PKIB: variants seen among roughly 807,000 people sequenced by gnomAD.
PKIB encodes cAMP-dependent protein kinase inhibitor beta.
Under a neutral mutation model 4.5 loss-of-function variants are expected in PKIB, and 2 were observed. That is an observed-to-expected ratio of 0.44 (90% CI 0.18 to 1.39). The LOEUF is 1.39. Among genes scored for constraint, PKIB ranks in the 40% most tolerant of loss-of-function variants. The pLI, the probability that PKIB is intolerant of heterozygous loss-of-function variation, is 0.27. For synonymous variants in PKIB, 38 were observed against 36.0 expected (o/e 1.06, Z -0.20); for missense variants, 94 against 92.6 (o/e 1.02, Z -0.06).
intron 2 of PKIB, among the ~76,000 whole-genome samples, chr6:122,508,404 T>C (rs1480469758): frequency 6.6e-6 from 1 of 152,214 alleles, no homozygotes; most frequent in Non-Finnish European, 1.5e-5. Flanking sequence ...AGGACAATGT[T>C]GTACAATGTC....
At chr6:122,700,513 C>G (rs1460908274) in intron 3 of PKIB, among the ~76,000 whole-genome samples, 2 of 152,238 alleles carry the variant, frequency 1.3e-5, no homozygotes, top group East Asian at 1.9e-4. Flanking sequence ...AGGTATTTCT[C>G]TATAACCTCA....
intron 2 of PKIB, among the ~76,000 whole-genome samples, chr6:122,490,562 G>A (rs1775911063): frequency 6.6e-6 from 1 of 152,080 alleles, no homozygotes; most frequent in African/African-American, 2.4e-5. Context: ...AGTTCACACA[G>A]AGATCTGGTT....
At chr6:122,673,030 GAAATATTTTC>G (rs1195430808) in intron 2 of PKIB, among the ~76,000 whole-genome samples, 2 of 151,926 alleles carry the variant, frequency 1.3e-5, no homozygotes, top group African/African-American at 4.8e-5. Context: ...AAACATGGAT[GAAATATTTTC>G]AAAGTCCACC....
intron 1 of PKIB, among the ~76,000 whole-genome samples, chr6:122,475,414 G>A (rs1775427417): frequency 6.6e-6 from 1 of 152,132 alleles, no homozygotes; most frequent in African/African-American, 2.4e-5. Flanking sequence ...CAACACTCCA[G>A]AGACTGAGGC....
chr6:122,599,666 A>G (rs1774293627), intron 3 of PKIB, among the ~76,000 whole-genome samples: 4 of 152,184 alleles, frequency 2.6e-5, no homozygotes, highest in Admixed American at 2.0e-4. Context: ...GGTTCTCCAC[A>G]TATGGTCAAA....
chr6:122,718,005 T>G (rs1779572713), intron 4 of PKIB, 42 bp downstream of exon 4: 1 of 1,574,434 alleles, frequency 6.4e-7, no homozygotes, highest in African/African-American at 1.4e-5. Flanking sequence ...CACTTGTCCC[T>G]TCTTAACCAA....
At chr6:122,671,580 C>T (rs1043472683) in intron 2 of PKIB, among the ~76,000 whole-genome samples, 1 of 152,142 alleles carries the variant, frequency 6.6e-6, no homozygotes, top group African/African-American at 2.4e-5. Flanking sequence ...TGTAACTAAC[C>T]TGACATGATT....
At chr6:122,575,201 A>G (rs1174655365) in intron 2 of PKIB, among the ~76,000 whole-genome samples, 1 of 152,194 alleles carries the variant, frequency 6.6e-6, no homozygotes, top group Non-Finnish European at 1.5e-5. Context: ...ACAGTAAGAT[A>G]TTACCTTACT....
At chr6:122,491,180 T>C (rs947252346) in intron 2 of PKIB, among the ~76,000 whole-genome samples, 18 of 152,206 alleles carry the variant, frequency 1.2e-4, no homozygotes, top group Non-Finnish European at 1.3e-4. Context: ...TATCTTGACA[T>C]ACTTCCATGG....
chr6:122,553,407 C>T (rs1455768045), intron 2 of PKIB, among the ~76,000 whole-genome samples: 2 of 149,454 alleles, frequency 1.3e-5, no homozygotes, highest in East Asian at 4.0e-4. Context: ...TAAATGCATG[C>T]AGTTTCCTCA....
At chr6:122,602,795 A>G (rs1004876607) in intron 3 of PKIB, among the ~76,000 whole-genome samples, 11 of 151,930 alleles carry the variant, frequency 7.2e-5, no homozygotes, top group Admixed American at 7.2e-4. Flanking sequence ...ACAAACAAAA[A>G]AAACAAAAAA....
At chr6:122,535,167 C>G (rs145727117) in intron 2 of PKIB, among the ~76,000 whole-genome samples, 1 of 152,100 alleles carries the variant, frequency 6.6e-6, no homozygotes, top group East Asian at 1.9e-4. Flanking sequence ...CAAGTTTGGT[C>G]TTTGTAAAAT....
intron 3 of PKIB, among the ~76,000 whole-genome samples, chr6:122,601,611 TC>T: frequency 6.6e-6 from 1 of 152,194 alleles, no homozygotes; most frequent in South Asian, 2.1e-4. Context: ...CTCTTCCTCT[TC>T]CTCCTACTCA....
At chr6:122,695,731 T>C (rs1778544309) in intron 3 of PKIB, among the ~76,000 whole-genome samples, 1 of 152,136 alleles carries the variant, frequency 6.6e-6, no homozygotes, top group Non-Finnish European at 1.5e-5. Flanking sequence ...AATGAAATTT[T>C]TTAAAATCCA....
At chr6:122,619,881 C>A (rs1775153251) in intron 1 of PKIB, among the ~76,000 whole-genome samples, 1 of 152,118 alleles carries the variant, frequency 6.6e-6, no homozygotes, top group African/African-American at 2.4e-5. Flanking sequence ...TTCCATCATG[C>A]TACCTGGAAC....
chr6:122,681,879 G>A (rs1480530950), intron 3 of PKIB, among the ~76,000 whole-genome samples: 2 of 152,190 alleles, frequency 1.3e-5, no homozygotes, highest in Non-Finnish European at 2.9e-5. Flanking sequence ...TATGGCTTAA[G>A]AAAGCATGCG....
At chr6:122,619,214 T>G (rs1775120021) in intron 1 of PKIB, among the ~76,000 whole-genome samples, 1 of 152,202 alleles carries the variant, frequency 6.6e-6, no homozygotes, top group South Asian at 2.1e-4. Flanking sequence ...ATACTTAATT[T>G]TTTAAGGATG....
At chr6:122,690,958 C>T (rs9401569) in intron 3 of PKIB, among the ~76,000 whole-genome samples, 69,400 of 140,810 alleles carry the variant, frequency 0.49, 17,531 homozygotes, top group Non-Finnish European at 0.56. Context: ...GCCAAATATA[C>T]TATTCTAGGG....
At chr6:122,519,437 A>G (rs1776867822) in intron 2 of PKIB, among the ~76,000 whole-genome samples, 1 of 152,134 alleles carries the variant, frequency 6.6e-6, no homozygotes, top group Non-Finnish European at 1.5e-5. Context: ...GCATCATCCC[A>G]AAACCACCCC....
Sources: gnomAD v4.1 joint callset for allele counts (sites outside exome capture counted in the v4.1 genomes callset) on GRCh38, gnomAD v4.1.1 for gene constraint, MANE v1.5 for transcripts, NCBI Gene and HGNC (gene_info 2026-07-23, HGNC 2026-07-21) for gene names.